The following EPM2A variants were observed in gnomAD, a reference collection of about 807,000 sequenced individuals.
The protein encoded by EPM2A is EPM2A glucan phosphatase, laforin, also known as laforin.
A neutral mutation model predicts 26.5 loss-of-function variants in EPM2A; 21 were observed. The observed-to-expected ratio is 0.79, with a 90% CI of 0.56 to 1.14. EPM2A has a LOEUF of 1.14. Among genes scored for constraint, EPM2A ranks in the 50% most tolerant of loss-of-function variants. The pLI, the probability that EPM2A is intolerant of heterozygous loss-of-function variation, is 0.00. For synonymous variants in EPM2A, 217 were observed against 177.6 expected (o/e 1.22, Z -1.76); for missense variants, 458 against 440.8 (o/e 1.04, Z -0.35).
chr6:145,399,989 C>A (rs1435318172), intron 4 of EPM2A, among the ~76,000 whole-genome samples: 2 of 151,952 alleles, frequency 1.3e-5, no homozygotes, highest in Non-Finnish European at 2.9e-5. Context: ...TAACTGAAAC[C>A]AAGATTTTTG....
chr6:145,543,077 G>A (rs944761067), intron 2 of EPM2A, among the ~76,000 whole-genome samples: 3 of 151,918 alleles, frequency 2.0e-5, no homozygotes, highest in East Asian at 1.9e-4. Flanking sequence ...GCTTCCTTTC[G>A]TTTTTGTATT....
intron 2 of EPM2A, among the ~76,000 whole-genome samples, chr6:145,585,096 A>G (rs1339727688): frequency 1.3e-5 from 2 of 152,060 alleles, no homozygotes; most frequent in African/African-American, 4.8e-5. Flanking sequence ...TCATTCTCTA[A>G]CTATAATGTA....
At chr6:145,706,250 A>G (rs1196355159) in intron 1 of EPM2A, among the ~76,000 whole-genome samples, 1 of 152,188 alleles carries the variant, frequency 6.6e-6, no homozygotes, top group Non-Finnish European at 1.5e-5. Flanking sequence ...GCATATACAC[A>G]AAACTATAGC....
chr6:145,571,840 C>T (rs1186818562), intron 2 of EPM2A, among the ~76,000 whole-genome samples: 1 of 152,184 alleles, frequency 6.6e-6, no homozygotes, highest in Non-Finnish European at 1.5e-5. Flanking sequence ...GAGCGGTGTC[C>T]ACAGAATGGG....
intron 2 of EPM2A, among the ~76,000 whole-genome samples, chr6:145,577,943 T>C (rs777344824): frequency 1.9e-4 from 29 of 152,192 alleles, no homozygotes; most frequent in Non-Finnish European, 3.5e-4. Context: ...AACATGCTAC[T>C]GAGTGACCAT....
At chr6:145,707,941 T>G (rs946400179) in intron 1 of EPM2A, among the ~76,000 whole-genome samples, 36 of 152,162 alleles carry the variant, frequency 2.4e-4, no homozygotes, top group African/African-American at 8.4e-4. Flanking sequence ...TCCCAGAGAC[T>G]TGTTGAATGG....
intron 2 of EPM2A, among the ~76,000 whole-genome samples, chr6:145,648,562 T>C (rs1424014869): frequency 1.3e-5 from 2 of 152,244 alleles, no homozygotes; most frequent in African/African-American, 4.8e-5. Flanking sequence ...TAATGACAAA[T>C]GTGATTCTAG....
chr6:145,513,056 A>C (rs1780077977), intron 2 of EPM2A, among the ~76,000 whole-genome samples: 1 of 152,190 alleles, frequency 6.6e-6, no homozygotes, highest in Non-Finnish European at 1.5e-5. Context: ...AAAAATAGAC[A>C]AATGAGATTT....
chr6:145,526,051 C>T (rs1222460107), intron 2 of EPM2A, among the ~76,000 whole-genome samples: 1 of 151,972 alleles, frequency 6.6e-6, no homozygotes, highest in Non-Finnish European at 1.5e-5. Context: ...TTGAGATGAT[C>T]ATATGGGTTT....
chr6:145,543,837 A>C (rs1780547604), intron 2 of EPM2A, among the ~76,000 whole-genome samples: 1 of 152,158 alleles, frequency 6.6e-6, no homozygotes, highest in Non-Finnish European at 1.5e-5. Context: ...AAGGAAAAAG[A>C]TGGATGTACA....
At chr6:145,429,342 C>A (rs1778891883) in intron 4 of EPM2A, among the ~76,000 whole-genome samples, 3 of 151,984 alleles carry the variant, frequency 2.0e-5, no homozygotes, top group Admixed American at 2.0e-4. Flanking sequence ...TTATCTAATT[C>A]CTGTTTTCTT....
At chr6:145,424,794 C>G (rs1028263907) in intron 4 of EPM2A, among the ~76,000 whole-genome samples, 1 of 152,154 alleles carries the variant, frequency 6.6e-6, no homozygotes, top group Non-Finnish European at 1.5e-5. Flanking sequence ...AAGGCATCAT[C>G]TGTGCAACAG....
rs567963536 is a variant in EPM2A at position 145,411,616 on chromosome 6, T to A, written c.556-27519A>T. Among the ~76,000 whole-genome samples, 6 of 151,958 alleles carry A rather than the reference T, an allele frequency of 3.9e-5. No homozygotes were observed. In the South Asian group the frequency reaches 1.0e-3, roughly 26 times the overall value. ...TCTGCACATTCCAAGCATTTTAAAA[T>A]TATTTTATTAGAACATTAGAAAATT... On this transcript the variant is annotated intron_variant, in intron 4 of 4. Coordinates refer to the EPM2A transcript ENST00000638717.
chr6:145,627,292 G>C lies in EPM2A; in HGVS notation c.*124C>G. 1 of 1,571,394 alleles carries C rather than the reference G, an allele frequency of 6.4e-7. No homozygotes were observed. Among genetic ancestry groups the C allele is most frequent in the African/African-American group, 1.4e-5 (1 of 73,486 alleles). On this transcript the variant is annotated 3_prime_UTR_variant, in exon 4 of 4. Transcript: ENST00000367519. Reference sequence around the variant, plus strand: ...TCGAAAGTCATCCCAGGTGAAAGTGGTTGGCTTGGGGGAGGTCACACAGTC... The same window carrying C: ...TCGAAAGTCATCCCAGGTGAAAGTGCTTGGCTTGGGGGAGGTCACACAGTC...
chr6:145,482,721 TACA>T (rs202233537), intron 4 of EPM2A, among the ~76,000 whole-genome samples: 2,197 of 152,100 alleles, frequency 0.014, 42 homozygotes, highest in African/African-American at 0.049. Context: ...TGATAGAAAA[TACA>T]ACGAGAACCC....
At chr6:145,444,168 G>C (rs1331831519) in intron 4 of EPM2A, among the ~76,000 whole-genome samples, 1 of 152,132 alleles carries the variant, frequency 6.6e-6, no homozygotes, top group East Asian at 1.9e-4. Flanking sequence ...GGACATCTTT[G>C]ACTTGTTCTG....
intron 4 of EPM2A, among the ~76,000 whole-genome samples, chr6:145,471,765 C>T (rs1190221399): frequency 6.6e-6 from 1 of 152,102 alleles, no homozygotes; most frequent in Non-Finnish European, 1.5e-5. Flanking sequence ...GCCCACAAAC[C>T]TCACCACCTA....
chr6:145,526,964 AG>A (rs1250129557), intron 2 of EPM2A, among the ~76,000 whole-genome samples: 1 of 152,000 alleles, frequency 6.6e-6, no homozygotes, highest in African/African-American at 2.4e-5. Flanking sequence ...GCTGCATCCC[AG>A]GGATTTTGAT....
chr6:145,477,455 C>T (rs1779556749), intron 4 of EPM2A, among the ~76,000 whole-genome samples: 1 of 151,494 alleles, frequency 6.6e-6, no homozygotes, highest in African/African-American at 2.4e-5. Flanking sequence ...GATAGCAAAA[C>T]CAGAAAAAGA....
Sources: allele counts gnomAD v4.1 joint callset (sites outside exome capture counted in the v4.1 genomes callset), GRCh38; gene constraint gnomAD v4.1.1; transcripts MANE v1.5; gene names NCBI Gene and HGNC (gene_info 2026-07-23, HGNC 2026-07-21).